TRAM2: variants seen among roughly 807,000 people sequenced by gnomAD.
TRAM2 encodes the protein translocating chain-associated membrane protein 2.
TRAM2 carries 12 observed loss-of-function variants against 51.0 expected under a neutral mutation model. That is an observed-to-expected ratio of 0.24 (90% CI 0.15 to 0.38). The LOEUF is 0.38. Ranked by LOEUF, TRAM2 falls within the 10% of genes least tolerant of loss-of-function variation. The pLI is 1.00. For missense variants in TRAM2, 361 were observed against 462.0 expected, an observed-to-expected ratio of 0.78 and a Z score of 2.00; for synonymous variants, 175 against 179.4, an observed-to-expected ratio of 0.98 and a Z score of 0.20.
chr6:52,556,235 C>G (rs185411308), intron 1 of TRAM2, among the ~76,000 whole-genome samples: 1 of 151,080 alleles, frequency 6.6e-6, no homozygotes, highest in Non-Finnish European at 1.5e-5. Flanking sequence ...CAGAGGTCAC[C>G]GAGAAGCCCT....
At chr6:52,550,283 C>T (rs1236198548) in intron 1 of TRAM2, among the ~76,000 whole-genome samples, 2 of 152,160 alleles carry the variant, frequency 1.3e-5, no homozygotes, top group African/African-American at 4.8e-5. Flanking sequence ...GTTCTAGATC[C>T]ATGCTATCCT....
At chr6:52,523,180 T>C in intron 2 of TRAM2, 1 of 385,584 alleles carries the variant, frequency 2.6e-6, no homozygotes. Context: ...AAGAGCCAAC[T>C]CTGTTTTCGT....
intron 1 of TRAM2, among the ~76,000 whole-genome samples, chr6:52,543,827 T>C (rs1268775527): frequency 1.3e-5 from 2 of 152,220 alleles, no homozygotes; most frequent in African/African-American, 4.8e-5. Flanking sequence ...CCCAAGGAAC[T>C]TCTGGCATTT....
At chr6:52,522,954 TC>T (rs1156479439) in intron 2 of TRAM2, 2 of 701,986 alleles carry the variant, frequency 2.8e-6, no homozygotes, top group African/African-American at 3.5e-5. Flanking sequence ...CTGTGCGGTC[TC>T]TGACCTCCTC....
chr6:52,550,215 C>T (rs963421497), intron 1 of TRAM2, among the ~76,000 whole-genome samples: 1 of 152,184 alleles, frequency 6.6e-6, no homozygotes, highest in African/African-American at 2.4e-5. Flanking sequence ...ACCAAAACTC[C>T]AGCCCCTCCC....
chr6:52,517,574 G>A (rs754795656), intron 2 of TRAM2, among the ~76,000 whole-genome samples: 18 of 152,256 alleles, frequency 1.2e-4, no homozygotes, highest in Non-Finnish European at 2.1e-4. Flanking sequence ...GCAGCCTGTG[G>A]ACAGAGGAGA....
At position 52,500,049 on chromosome 6, in the gene TRAM2, C is replaced by G. The variant is rs928806499; in HGVS notation, c.*3148G>C. 5.3e-5 allele frequency: 8 copies of G among 152,310 alleles called. No homozygotes were observed. The highest frequency in any genetic ancestry group is 1.4e-4 in the African/African-American group (6 of 41,440). 9.4% of individuals were successfully genotyped at this position (152,310 alleles called of 1,614,324 possible). A position where few individuals can be genotyped will look rare whatever the true frequency, so the allele number is the denominator to read the frequency against. On this transcript the variant is annotated 3_prime_UTR_variant, in exon 11 of 11. Coordinates refer to ENST00000182527, the MANE Select transcript of TRAM2 (RefSeq NM_012288.4). ...AGCACAGATCCTTGGTCCACCAGCG[C>G]CACCTCCCTCTCCTCCTGCTGTGTC...
chr6:52,526,877 A>G (rs1368229349), intron 2 of TRAM2, among the ~76,000 whole-genome samples: 3 of 152,352 alleles, frequency 2.0e-5, no homozygotes, highest in East Asian at 3.9e-4. Context: ...AGGCTGCCTC[A>G]CGTGAAGAAT....
chr6:52,551,265 T>C (rs1010256799), intron 1 of TRAM2, among the ~76,000 whole-genome samples: 4 of 152,132 alleles, frequency 2.6e-5, no homozygotes, highest in African/African-American at 9.7e-5. Context: ...CCGTTATGAA[T>C]GGGGACTGGC....
intron 1 of TRAM2, among the ~76,000 whole-genome samples, chr6:52,571,262 A>G (rs990585342): frequency 1.3e-4 from 20 of 152,350 alleles, no homozygotes; most frequent in African/African-American, 4.6e-4. Flanking sequence ...TTTGCCATTT[A>G]TAAGGGTAGG....
intron 1 of TRAM2, among the ~76,000 whole-genome samples, chr6:52,539,050 C>T (rs1472267513): frequency 6.6e-6 from 1 of 152,172 alleles, no homozygotes; most frequent in Non-Finnish European, 1.5e-5. Flanking sequence ...GCCAACAGCG[C>T]CATAACTCAT....
At chr6:52,535,295 A>G (rs1766960007) in intron 2 of TRAM2, among the ~76,000 whole-genome samples, 1 of 152,234 alleles carries the variant, frequency 6.6e-6, no homozygotes, top group South Asian at 2.1e-4. Flanking sequence ...TGAAGAAGAC[A>G]GAGAGCAGAA....
chr6:52,500,533 T>TTG lies in TRAM2; in HGVS notation c.*2663_*2664insCA, dbSNP rs1766195580. ...TGGTCTCAGGGTTTTTTTTTGTTTT[T>TTG]TTTTTTTTTTTTACATAAAATAAAC... On this transcript the variant is annotated 3_prime_UTR_variant, in exon 11 of 11. Coordinates refer to ENST00000182527, the MANE Select transcript of TRAM2 (RefSeq NM_012288.4). 6.7e-6 allele frequency: 1 copy of TTG among 150,146 alleles called. No homozygotes were observed. The highest frequency in any genetic ancestry group is 2.5e-5 in the African/African-American group (1 of 40,748). 9.3% of individuals were successfully genotyped at this position (150,146 alleles called of 1,614,324 possible).
intron 1 of TRAM2, among the ~76,000 whole-genome samples, chr6:52,541,469 T>G (rs986909813): frequency 2.6e-5 from 4 of 152,246 alleles, no homozygotes; most frequent in African/African-American, 9.6e-5. Context: ...CTGATTCTAC[T>G]TACTTTCCAA....
chr6:52,504,402 T>C (rs1451968767), intron 10 of TRAM2, among the ~76,000 whole-genome samples, 189 bp downstream of exon 10: 1 of 152,072 alleles, frequency 6.6e-6, no homozygotes, highest in East Asian at 1.9e-4. Flanking sequence ...CCACAGCCTG[T>C]CCCTGGCCCA....
chr6:52,532,925 C>CT (rs1317672666), intron 2 of TRAM2, among the ~76,000 whole-genome samples: 1 of 152,046 alleles, frequency 6.6e-6, no homozygotes, highest in African/African-American at 2.4e-5. Flanking sequence ...TAATTTTTCT[C>CT]TAAGAGTTAT....
chr6:52,548,964 C>T (rs753136923), intron 1 of TRAM2, among the ~76,000 whole-genome samples: 5 of 152,074 alleles, frequency 3.3e-5, no homozygotes, highest in African/African-American at 4.8e-5. Flanking sequence ...AAGATTTCTG[C>T]GAGGCGGTGA....
At chr6:52,547,947 A>G (rs1194178343) in intron 1 of TRAM2, among the ~76,000 whole-genome samples, 1 of 152,248 alleles carries the variant, frequency 6.6e-6, no homozygotes, top group Non-Finnish European at 1.5e-5. Context: ...ATGGCCACAC[A>G]GGGTTTTCTA....
Position 52,516,734 on chromosome 6 carries a change from C to A in TRAM2, c.188G>T (p.Ser63Ile). The A allele has an allele frequency of 6.2e-7, 1 of 1,612,644 alleles. No homozygotes were observed. Among genetic ancestry groups the A allele is most frequent in the South Asian group, 1.1e-5 (1 of 91,056 alleles). Reference sequence around the variant, plus strand: ...GCCATAGTGGTAGTGCACGGTCTCACTGTCTGTGGAGGTAATAAAAGTCCC... The same window carrying A: ...GCCATAGTGGTAGTGCACGGTCTCAATGTCTGTGGAGGTAATAAAAGTCCC... ...QYNISVPTAD[S>I]ETVHYHYGPK... The change falls in exon 3 of 11, where the codon AGT (serine) becomes ATT (isoleucine). Residue 63 changes from serine (S) to isoleucine (I), a missense_variant. Physicochemically the swap from Ser to Ile is moderately radical, Grantham distance 142. Transcript: ENST00000182527.
Sources: gnomAD v4.1 joint callset for allele counts (sites outside exome capture counted in the v4.1 genomes callset) on GRCh38, gnomAD v4.1.1 for gene constraint, MANE v1.5 for transcripts, NCBI Gene and HGNC (gene_info 2026-07-23, HGNC 2026-07-21) for gene names.